The following ZNF462 variants were observed in gnomAD, a reference collection of about 807,000 sequenced individuals.
ZNF462 encodes zinc finger protein 462, also known as zinc finger PBX1-interacting protein.
In ZNF462, 10 loss-of-function variants were observed where a neutral mutation model predicts 201.9. The observed-to-expected ratio is 0.05, with a 90% CI of 0.03 to 0.08. The LOEUF is 0.08. ZNF462 is among the 10% of genes least tolerant of loss of function. The pLI is 1.00. For synonymous variants in ZNF462, 1,227 were observed against 1,193.3 expected, an observed-to-expected ratio of 1.03 and a Z score of -0.58; for missense variants, 2,523 against 3,168.3, an observed-to-expected ratio of 0.80 and a Z score of 4.89.
chr9:106,896,799 A>G (rs1828831851), intron 1 of ZNF462, among the ~76,000 whole-genome samples: 1 of 152,212 alleles, frequency 6.6e-6, no homozygotes, highest in Non-Finnish European at 1.5e-5. Flanking sequence ...ACAGATCACA[A>G]GGCATTGACA....
In ZNF462 at chr9:106,950,829, C is replaced by T. The variant is rs1831310887; in HGVS notation, c.6427+11722C>T. 6.6e-6 allele frequency among the ~76,000 whole-genome samples: 1 copy of T among 152,192 alleles called. No individual in the cohort carries two copies. Among genetic ancestry groups the T allele is most frequent in the Admixed American group, 6.5e-5 (1 of 15,274 alleles). On this transcript the variant is annotated intron_variant, in intron 7 of 12. Coordinates refer to ENST00000277225, the MANE Select transcript of ZNF462 (RefSeq NM_021224.6). This position sits in a 1 kb window ranked among gnomAD's most constrained non-coding sequence, Gnocchi z 4.1. ...TTCAGGCCAGGCGTGGTGGCTCGCACCTGTAATCTCAGCACTTTGGGAGGC... is the reference window on the plus strand; with the variant it reads ...TTCAGGCCAGGCGTGGTGGCTCGCATCTGTAATCTCAGCACTTTGGGAGGC...
At chr9:106,903,893 G>A (rs2131214082) in intron 1 of ZNF462, among the ~76,000 whole-genome samples, 1 of 152,320 alleles carries the variant, frequency 6.6e-6, no homozygotes, top group African/African-American at 2.4e-5. Flanking sequence ...TATCTTTTAA[G>A]TGGAGCATTT....
chr9:106,952,130 G>A (rs1831379342), intron 7 of ZNF462, among the ~76,000 whole-genome samples: 1 of 152,142 alleles, frequency 6.6e-6, no homozygotes, highest in Admixed American at 6.5e-5. Context: ...TCAAGTCCAG[G>A]AAGTACCATT....
intron 1 of ZNF462, among the ~76,000 whole-genome samples, chr9:106,869,721 T>G (rs1827505886): frequency 6.6e-6 from 1 of 152,140 alleles, no homozygotes; most frequent in Non-Finnish European, 1.5e-5. Flanking sequence ...GGAAAGAAGT[T>G]AAAACAGCAT....
intron 1 of ZNF462, among the ~76,000 whole-genome samples, chr9:106,879,334 C>CCCG (rs1827983390): frequency 1.3e-5 from 1 of 79,620 alleles, no homozygotes; most frequent in African/African-American, 4.8e-5. Context: ...TGCTTTCCAC[C>CCCG]CCCCCCCCCA....
intron 9 of ZNF462, among the ~76,000 whole-genome samples, chr9:106,983,479 C>G (rs772280197): frequency 1.6e-4 from 24 of 152,110 alleles, no homozygotes; most frequent in Non-Finnish European, 3.2e-4. Context: ...GATGAGAAAT[C>G]CCCTTAGTTT....
In ZNF462 at chr9:106,928,652, A is replaced by G. The variant is rs1423774023; in HGVS notation, c.4740A>G (p.Lys1580=). 5 of 1,614,050 alleles carry G rather than the reference A, an allele frequency of 3.1e-6. No homozygotes were observed. Among genetic ancestry groups the G allele is most frequent in the Non-Finnish European group, 2.5e-6 (3 of 1,180,050 alleles). ...FKQGYGAYRC[K]LCPYTHGTLE... ...AAGGGTATGGCGCCTACCGGTGCAAACTGTGTCCGTACACACACGGCACTT... is the reference window on the plus strand; with the variant it reads ...AAGGGTATGGCGCCTACCGGTGCAAGCTGTGTCCGTACACACACGGCACTT... The change falls in exon 3 of 13, where the codon AAA becomes AAG. Residue 1580 remains lysine, a synonymous_variant. Transcript: ENST00000277225. The surrounding 1 kb of genome is among the most constrained non-coding windows in gnomAD (Gnocchi z 9.3).
At chr9:106,988,704 A>G (rs1451838248) in intron 10 of ZNF462, among the ~76,000 whole-genome samples, 4 of 152,074 alleles carry the variant, frequency 2.6e-5, no homozygotes, top group Non-Finnish European at 4.4e-5. Context: ...TGTGTCGTCT[A>G]CGATTTCTTT....
chr9:106,942,894 C>T (rs1382510519), intron 7 of ZNF462, among the ~76,000 whole-genome samples: 1 of 152,068 alleles, frequency 6.6e-6, no homozygotes, highest in Non-Finnish European at 1.5e-5. Context: ...TAGTTTCTCC[C>T]GGGGACTAAT....
chr9:106,926,318 C>G lies in ZNF462; in HGVS notation c.2406C>G (p.Gly802=). 6.2e-7 allele frequency: 1 copy of G among 1,614,142 alleles called. No homozygotes were observed. The highest frequency in any genetic ancestry group is 8.5e-7 in the Non-Finnish European group (1 of 1,180,030). The change falls in exon 3 of 13, where the codon GGC becomes GGG. Residue 802 remains glycine, a synonymous_variant. Transcript: ENST00000277225. The surrounding 1 kb of genome is among the most constrained non-coding windows in gnomAD (Gnocchi z 7.9). ...CTGAAGATGAAGAGGATTATTATGG[C>G]TCCTCAACAAACTTGAAAGATCACC... The part of the protein sequence containing the change: ...TLSEDEEDYY[G]SSTNLKDHQV...
rs113219221 is a variant in ZNF462 at position 106,977,679 on chromosome 9, G to A, written c.6832+3406G>A. Reference sequence around the variant, plus strand: ...ACTCTCCTCAGAGATGAGCATGTGCGTAGTATAGACAAGACAGTGAGTGAT... The same window carrying A: ...ACTCTCCTCAGAGATGAGCATGTGCATAGTATAGACAAGACAGTGAGTGAT... On this transcript the variant is annotated intron_variant, in intron 9 of 12. Transcript: ENST00000277225. The surrounding 1 kb of genome is among the most constrained non-coding windows in gnomAD (Gnocchi z 4.6). Among the ~76,000 whole-genome samples, 2,151 of 151,608 alleles carry A rather than the reference G, an allele frequency of 0.014. 38 individuals are homozygous for A. The highest frequency in any genetic ancestry group is 0.022 in the Non-Finnish European group (1,496 of 68,008).
chr9:106,874,157 T>C (rs575245536), intron 1 of ZNF462, among the ~76,000 whole-genome samples: 5 of 152,286 alleles, frequency 3.3e-5, no homozygotes, highest in Admixed American at 3.3e-4. Context: ...TTGAACTGTG[T>C]AGTTAAAGAG....
rs745437303 is a variant in ZNF462, at chr9:106,925,744, C to A, written c.1832C>A (p.Thr611Asn). The A allele has an allele frequency of 1.9e-5, 31 of 1,614,222 alleles. 1 individual carries two copies. Among genetic ancestry groups the A allele is most frequent in the Non-Finnish European group, 1.9e-5 (22 of 1,180,046 alleles). The change falls in exon 3 of 13, where the codon ACT becomes AAT. Residue 611 changes from threonine (T) to asparagine (N), a missense_variant. This residue lies in a region of ZNF462 where 383 missense variants were observed against 453.4 expected (regional missense o/e 0.84). Coordinates refer to ENST00000277225, the MANE Select transcript of ZNF462 (RefSeq NM_021224.6). The surrounding 1 kb of genome is among the most constrained non-coding windows in gnomAD (Gnocchi z 7.9). ...ACCATGTGTAATTACTCCACCACAACTCTGAAAGGGCTAAGAGTCCATCAG... is the reference window on the plus strand; with the variant it reads ...ACCATGTGTAATTACTCCACCACAAATCTGAAAGGGCTAAGAGTCCATCAG... ...KCTMCNYSTT[T>N]LKGLRVHQQH...
In ZNF462 at chr9:106,890,606, G is replaced by A. The variant is rs1191730994; in HGVS notation, c.-31+27251G>A. On this transcript the variant is annotated intron_variant, in intron 1 of 12. Coordinates refer to ENST00000277225, the MANE Select transcript of ZNF462 (RefSeq NM_021224.6). The surrounding 1 kb of genome is among the most constrained non-coding windows in gnomAD (Gnocchi z 4.2). ...CACTCAACAATGATGATGCACTTAG[G>A]CTTACCTTCGTAATATGGGTAAATG... Among the ~76,000 whole-genome samples, 1 of 152,138 alleles carries A rather than the reference G, an allele frequency of 6.6e-6. No homozygotes were observed. Among genetic ancestry groups the A allele is most frequent in the Non-Finnish European group, 1.5e-5 (1 of 68,026 alleles).
chr9:106,928,828 T>C lies in ZNF462; in HGVS notation c.4916T>C (p.Val1639Ala). 1 of 1,613,616 alleles carries C rather than the reference T, an allele frequency of 6.2e-7. No individual in the cohort carries two copies. The highest frequency in any genetic ancestry group is 2.2e-5 in the East Asian group (1 of 44,860). The change falls in exon 3 of 13, where the codon GTG becomes GCG. Residue 1639 changes from valine to alanine, a missense_variant. This residue lies in a region of ZNF462 where 200 missense variants were observed against 281.3 expected (regional missense o/e 0.71). Coordinates refer to ENST00000277225, the MANE Select transcript of ZNF462 (RefSeq NM_021224.6). The surrounding 1 kb of genome is among the most constrained non-coding windows in gnomAD (Gnocchi z 9.3). ...PSQVSITEEE[V>A]GEEPVSTSHF... ...CAAGTCTCCATCACTGAGGAGGAGG[T>C]GGGAGAGGAGCCCGTGTCCACTTCT...
At chr9:107,007,274 G>A (rs554448904) in intron 11 of ZNF462, among the ~76,000 whole-genome samples, 8 of 152,260 alleles carry the variant, frequency 5.3e-5, no homozygotes, top group Admixed American at 3.3e-4. Flanking sequence ...AAGAAAACTC[G>A]AATTTAAAAC....
chr9:106,929,395 A>G lies in ZNF462; in HGVS notation c.5483A>G (p.Asn1828Ser), dbSNP rs3814538. ...CTGATGGAAGAAGAGGAGAGAGGCA[A>G]CTTTGAGAAAGCCGAGGTGGAGGGT... ...PTLMEEEERGNFEKAEVEGEA... is the reference protein window; with the variant it reads ...PTLMEEEERGSFEKAEVEGEA... The change falls in exon 3 of 13, where the codon AAC becomes AGC. Residue 1828 changes from asparagine to serine, a missense_variant. Physicochemically the swap from Asn to Ser is conservative, Grantham distance 46. Transcript: ENST00000277225. This position sits in a 1 kb window ranked among gnomAD's most constrained non-coding sequence, Gnocchi z 8.7. The G allele has an allele frequency of 0.39, 634,679 of 1,613,828 alleles. 132,821 individuals carry two copies. The highest frequency in any genetic ancestry group is 0.8 in the African/African-American group (60,107 of 74,948).
At position 106,913,292 on chromosome 9, in the gene ZNF462, C is replaced by A. The variant is rs1304774649; in HGVS notation, c.-30-10062C>A. Among the ~76,000 whole-genome samples, 1 of 152,114 alleles carries A rather than the reference C, an allele frequency of 6.6e-6. No individual in the cohort carries two copies. Among genetic ancestry groups the A allele is most frequent in the Non-Finnish European group, 1.5e-5 (1 of 68,016 alleles). On this transcript the variant is annotated intron_variant, in intron 1 of 12. Transcript: ENST00000277225. The surrounding 1 kb of genome is among the most constrained non-coding windows in gnomAD (Gnocchi z 4.1). ...CTAGGTTTTGCTTTGTTTTTCTGTTCATGGATGCTCTCTGGAATTCCTTAG... is the reference window on the plus strand; with the variant it reads ...CTAGGTTTTGCTTTGTTTTTCTGTTAATGGATGCTCTCTGGAATTCCTTAG...
At position 106,916,145 on chromosome 9, in the gene ZNF462, C is replaced by G. The variant is rs76674693; in HGVS notation, c.-30-7209C>G. On this transcript the variant is annotated intron_variant, in intron 1 of 12. Coordinates refer to ENST00000277225, the MANE Select transcript of ZNF462 (RefSeq NM_021224.6). The stretch of plus-strand genomic sequence containing the variant: ...CCATACATCATTTTTTTTTTCTTTG[C>G]ATAGTAATAGAAAACAAGGTAAGTT... Among the ~76,000 whole-genome samples the G allele has an allele frequency of 1.1e-4, 17 of 151,926 alleles. No individual in the cohort carries two copies. In the East Asian group the frequency reaches 3.3e-3, roughly 29 times the overall value.
Sources: allele counts gnomAD v4.1 joint callset (sites outside exome capture counted in the v4.1 genomes callset), GRCh38; gene constraint gnomAD v4.1.1; regional missense constraint gnomAD v4.1.1; non-coding constraint Gnocchi (gnomAD v3.1); transcripts MANE v1.5; gene names NCBI Gene and HGNC (gene_info 2026-07-23, HGNC 2026-07-21).